NEK10: variants seen among roughly 807,000 people sequenced by gnomAD.
NEK10 encodes the protein NIMA related kinase 10, also known as serine/threonine-protein kinase Nek10.
A neutral mutation model predicts 159.8 loss-of-function variants in NEK10; 122 were observed. The ratio of observed to expected loss-of-function variants is 0.76; its 90% CI spans 0.66 to 0.89. The LOEUF (loss-of-function observed/expected upper bound fraction) is 0.89, where lower values mean the gene tolerates loss of function less well. Among genes scored for constraint, NEK10 ranks in the 40% least tolerant of loss-of-function variants. NEK10 has a pLI of 0.00. For missense variants in NEK10, 1,342 were observed against 1,323.1 expected, an observed-to-expected ratio of 1.01 and a Z score of -0.22; for synonymous variants, 466 against 457.1, an observed-to-expected ratio of 1.02 and a Z score of -0.25.
At chr3:27,288,277 A>G (rs1191842614) in intron 19 of NEK10, among the ~76,000 whole-genome samples, 1 of 152,202 alleles carries the variant, frequency 6.6e-6, no homozygotes, top group Non-Finnish European at 1.5e-5. Flanking sequence ...AAGTCATAAT[A>G]ACAGTTGACA....
At chr3:27,249,946 A>C (rs571009782) in intron 23 of NEK10, among the ~76,000 whole-genome samples, 2 of 152,270 alleles carry the variant, frequency 1.3e-5, no homozygotes, top group African/African-American at 4.8e-5. Flanking sequence ...GTAACCCATT[A>C]TTTTAAACTG....
intron 25 of NEK10, among the ~76,000 whole-genome samples, chr3:27,193,228 C>T (rs1450090083): frequency 6.6e-6 from 1 of 152,182 alleles, no homozygotes; most frequent in Non-Finnish European, 1.5e-5. Context: ...AATCCACATC[C>T]TTCCCCTGTA....
At chr3:27,136,788 T>C (rs1340362564) in intron 31 of NEK10, among the ~76,000 whole-genome samples, 2 of 152,176 alleles carry the variant, frequency 1.3e-5, no homozygotes, top group African/African-American at 2.4e-5. Context: ...TCTGTCTCCA[T>C]GGAAACGAGA....
In NEK10 at chr3:27,352,631, G is replaced by A. The variant is rs2048053224; in HGVS notation, c.72-106C>T. On this transcript the variant is annotated intron_variant, in intron 2 of 35. Transcript: ENST00000691995. ...ACTTGGAGGCCTGCTTTTATCAACT[G>A]GAATGAATACACACACTAAACATTT... is the stretch of plus-strand genomic sequence containing the variant. 4.5e-6 allele frequency: 4 copies of A among 879,886 alleles called. No individual in the cohort carries two copies. In the Admixed American group the frequency reaches 5.9e-5, roughly 13 times the overall value. 54.5% of individuals were successfully genotyped at this position (879,886 alleles called of 1,614,324 possible). A position where few individuals can be genotyped will look rare whatever the true frequency, so the allele number is the denominator to read the frequency against.
chr3:27,206,140 T>A (rs1014578154), intron 23 of NEK10, among the ~76,000 whole-genome samples: 1 of 152,196 alleles, frequency 6.6e-6, no homozygotes, highest in Non-Finnish European at 1.5e-5. Context: ...CAGATTAGGA[T>A]TTCAGTATAA....
In NEK10 at chr3:27,290,666, T is replaced by A. The variant is rs2042932894; in HGVS notation, c.1694A>T (p.Asp565Val). 6.2e-7 allele frequency: 1 copy of A among 1,608,216 alleles called. No individual in the cohort carries two copies. Among genetic ancestry groups the A allele is most frequent in the South Asian group, 1.1e-5 (1 of 90,642 alleles). Residue 565 changes from aspartate to valine, a missense_variant, in exon 19 of 36, where the codon GAC (aspartate) becomes GTC (valine). Physicochemically the swap from Asp to Val is radical, Grantham distance 152 (BLOSUM62 -3). Coordinates refer to ENST00000691995, the MANE Select transcript of NEK10 (RefSeq NM_001394966.1). ...PAFGKDKKDRDSSVRNIVSEL... is the reference protein window; with the variant it reads ...PAFGKDKKDRVSSVRNIVSEL... ...AGAAACAATATTCCTTACGCTGCTG[T>A]CTCGATCTTTCTTATCCTTTCCAAA... is the stretch of plus-strand genomic sequence containing the variant.
At chr3:27,255,730 A>ATT (rs1316596491) in intron 23 of NEK10, among the ~76,000 whole-genome samples, 2 of 152,184 alleles carry the variant, frequency 1.3e-5, no homozygotes, top group African/African-American at 4.8e-5. Flanking sequence ...ATTTATCAAA[A>ATT]TATAAACACT....
chr3:27,251,673 G>A (rs1955684640), intron 23 of NEK10, among the ~76,000 whole-genome samples: 1 of 152,096 alleles, frequency 6.6e-6, no homozygotes, highest in Non-Finnish European at 1.5e-5. Context: ...CCAGTCTCAG[G>A]TATTTCTTTA....
intron 23 of NEK10, among the ~76,000 whole-genome samples, chr3:27,226,111 A>C (rs1218758197): frequency 6.6e-6 from 1 of 152,032 alleles, no homozygotes; most frequent in Non-Finnish European, 1.5e-5. Context: ...GGCTCACTGC[A>C]AGCTCTGCCT....
At chr3:27,115,468 A>T (rs191752266) in intron 35 of NEK10, among the ~76,000 whole-genome samples, 40 of 152,342 alleles carry the variant, frequency 2.6e-4, no homozygotes, top group Non-Finnish European at 1.0e-4. Context: ...AAATGGCAAC[A>T]TACAATAGCA....
At chr3:27,301,878 CTTCACCGTCAGTCCT>C in intron 12 of NEK10, 43 bp from the exon 13 acceptor site, 1 of 1,482,484 alleles carries the variant, frequency 6.7e-7, no homozygotes, top group Non-Finnish European at 9.2e-7. Flanking sequence ...ATCAATTTCC[CTTCACCGTCAGTCCT>C]TTCTGTGTCA....
intron 30 of NEK10, among the ~76,000 whole-genome samples, chr3:27,144,777 A>G (rs964595089): frequency 5.3e-5 from 8 of 152,200 alleles, no homozygotes; most frequent in Non-Finnish European, 8.8e-5. Context: ...GCTGGAGTGC[A>G]GTGGCATGAT....
At chr3:27,271,855 A>AG (rs1479509937) in intron 22 of NEK10, among the ~76,000 whole-genome samples, 1 of 151,948 alleles carries the variant, frequency 6.6e-6, no homozygotes, top group Non-Finnish European at 1.5e-5. Flanking sequence ...CACATTATGA[A>AG]AAAAAAATAG....
intron 33 of NEK10, among the ~76,000 whole-genome samples, chr3:27,117,879 T>A (rs770321165): frequency 5.3e-5 from 8 of 152,216 alleles, no homozygotes; most frequent in Admixed American, 1.3e-4. Flanking sequence ...ATTTTCGTCA[T>A]GAAATCTTTG....
rs1479441004 is a variant in NEK10 at position 27,311,071 on chromosome 3, T to C, written c.569-55A>G. On this transcript the variant is annotated intron_variant, in intron 8 of 35. Coordinates refer to ENST00000691995, the MANE Select transcript of NEK10 (RefSeq NM_001394966.1). ...CATCCAGAGATTAAAGGGGGAGTACTTCCAGGAGCACAGATCTGCAGTGCA... is the reference window on the plus strand; with the variant it reads ...CATCCAGAGATTAAAGGGGGAGTACCTCCAGGAGCACAGATCTGCAGTGCA... 5.4e-6 allele frequency: 6 copies of C among 1,106,108 alleles called. No individual in the cohort carries two copies. The Admixed American group carries it at 8.5e-5, about 16-fold the overall frequency. 68.5% of individuals were successfully genotyped at this position (1,106,108 alleles called of 1,614,324 possible). A position where few individuals can be genotyped will look rare whatever the true frequency, so the allele number is the denominator to read the frequency against.
intron 23 of NEK10, among the ~76,000 whole-genome samples, chr3:27,213,122 C>T (rs1003120732): frequency 6.6e-6 from 1 of 152,124 alleles, no homozygotes; most frequent in African/African-American, 2.4e-5. Context: ...GCTCTTGAGC[C>T]CCTATGCTCA....
chr3:27,321,112 G>C (rs567775869), intron 6 of NEK10, among the ~76,000 whole-genome samples: 1 of 151,858 alleles, frequency 6.6e-6, no homozygotes, highest in African/African-American at 2.4e-5. Flanking sequence ...TTAAAGGTGT[G>C]AGCTTCCTAG....
chr3:27,270,933 C>T (rs2041286012), intron 22 of NEK10, among the ~76,000 whole-genome samples: 1 of 152,094 alleles, frequency 6.6e-6, no homozygotes, highest in Non-Finnish European at 1.5e-5. Context: ...TAATTCTTAA[C>T]ATATTTCATT....
chr3:27,345,997 TA>T (rs1329125850), intron 4 of NEK10, 88 bp downstream of exon 4: 8 of 1,326,038 alleles, frequency 6.0e-6, no homozygotes, highest in Non-Finnish European at 8.4e-6. Flanking sequence ...AAGCGGGTTT[TA>T]AATTTTAGCT....
Sources: gnomAD v4.1 joint callset for allele counts (sites outside exome capture counted in the v4.1 genomes callset) on GRCh38, gnomAD v4.1.1 for gene constraint, MANE v1.5 for transcripts, NCBI Gene and HGNC (gene_info 2026-07-23, HGNC 2026-07-21) for gene names.